Variants in MED12L observed in about 807,000 individuals in gnomAD.
MED12L encodes the protein mediator of RNA polymerase II transcription subunit 12-like protein.
Under a neutral mutation model 281.3 loss-of-function variants are expected in MED12L, and 60 were observed. The ratio of observed to expected loss-of-function variants is 0.21; its 90% CI spans 0.17 to 0.26. MED12L has a LOEUF of 0.26. Among genes scored for constraint, MED12L ranks in the 10% least tolerant of loss-of-function variants. MED12L has a pLI of 1.00. For synonymous variants in MED12L, 974 were observed against 987.2 expected (o/e 0.99, Z 0.25); for missense variants, 2,146 against 2,680.9 (o/e 0.80, Z 4.41).
intron 27 of MED12L, 127 bp from the exon 28 acceptor site, chr3:151,375,899 G>C (rs1234287199): frequency 1.9e-6 from 1 of 533,982 alleles, no homozygotes; most frequent in Non-Finnish European, 2.8e-6. Context: ...ACTTTTTAAT[G>C]TAATTTTTTA....
intron 16 of MED12L, among the ~76,000 whole-genome samples, chr3:151,283,695 A>C (rs577154606): frequency 6.6e-6 from 1 of 152,352 alleles, no homozygotes; most frequent in Admixed American, 6.5e-5. Context: ...TGTTAATTGA[A>C]TATCTGTAAC....
chr3:151,248,640 A>G (rs1320302723), intron 16 of MED12L, among the ~76,000 whole-genome samples: 2 of 152,158 alleles, frequency 1.3e-5, no homozygotes, highest in Non-Finnish European at 2.9e-5. Context: ...AAGCCCCATG[A>G]AAGGAAATCA....
intron 16 of MED12L, among the ~76,000 whole-genome samples, chr3:151,345,636 G>A (rs1307929932): frequency 1.3e-5 from 2 of 150,220 alleles, no homozygotes; most frequent in African/African-American, 4.9e-5. Context: ...TCCTGCCTCA[G>A]CCTCCCGAGT....
intron 16 of MED12L, among the ~76,000 whole-genome samples, chr3:151,346,458 C>T (rs536321958): frequency 6.6e-6 from 1 of 152,270 alleles, no homozygotes; most frequent in East Asian, 1.9e-4. Flanking sequence ...TCACCTCTTA[C>T]TTTAACCGCT....
chr3:151,379,510 C>T (rs1028677987), intron 31 of MED12L, among the ~76,000 whole-genome samples: 3 of 152,192 alleles, frequency 2.0e-5, no homozygotes, highest in African/African-American at 7.2e-5. Flanking sequence ...GTGGATGCTG[C>T]GGGCTATGTT....
chr3:151,335,631 T>C (rs1441405958), intron 16 of MED12L, among the ~76,000 whole-genome samples: 1 of 152,184 alleles, frequency 6.6e-6, no homozygotes, highest in Non-Finnish European at 1.5e-5. Flanking sequence ...AAACTCACTG[T>C]GAAATGTGGG....
intron 16 of MED12L, chr3:151,326,198 G>A (rs1211637088): frequency 6.6e-6 from 1 of 152,522 alleles, no homozygotes; most frequent in African/African-American, 2.4e-5. Context: ...TAGGAGAGTG[G>A]ACAGAGCTTG....
At chr3:151,221,750 A>G (rs1303571873) in intron 16 of MED12L, among the ~76,000 whole-genome samples, 1 of 152,234 alleles carries the variant, frequency 6.6e-6, no homozygotes, top group Non-Finnish European at 1.5e-5. Context: ...CTGCAGGGGC[A>G]GGGCTCTCAT....
chr3:151,334,906 A>G (rs1750786737), intron 16 of MED12L, among the ~76,000 whole-genome samples: 1 of 152,234 alleles, frequency 6.6e-6, no homozygotes, highest in African/African-American at 2.4e-5. Flanking sequence ...GAAAGCAGCC[A>G]TGGATAAAAC....
intron 11 of MED12L, among the ~76,000 whole-genome samples, chr3:151,168,349 A>T (rs769521789): frequency 6.6e-6 from 1 of 152,206 alleles, no homozygotes; most frequent in Non-Finnish European, 1.5e-5. Context: ...GTGTGTGTTG[A>T]AAGTTTTTAC....
chr3:151,149,445 A>G (rs1576831182), intron 5 of MED12L, among the ~76,000 whole-genome samples: 1 of 152,214 alleles, frequency 6.6e-6, no homozygotes, highest in African/African-American at 2.4e-5. Context: ...TAACATCTTA[A>G]TTAAGGAATA....
intron 16 of MED12L, chr3:151,219,576 T>C (rs1728917700): frequency 6.6e-6 from 1 of 152,186 alleles, no homozygotes; most frequent in Non-Finnish European, 1.5e-5. Flanking sequence ...CTCTTTTCAG[T>C]GAAGGTGTTT....
intron 16 of MED12L, among the ~76,000 whole-genome samples, chr3:151,282,616 CT>C (rs1393007030): frequency 6.6e-6 from 1 of 152,128 alleles, no homozygotes; most frequent in Non-Finnish European, 1.5e-5. Flanking sequence ...ATCCAAAATG[CT>C]TCTTGTTGGA....
chr3:151,291,189 A>G (rs551112898), intron 16 of MED12L, among the ~76,000 whole-genome samples: 5 of 135,392 alleles, frequency 3.7e-5, no homozygotes, highest in South Asian at 4.5e-4. Flanking sequence ...TTTTTCTAGT[A>G]TGTCACATTT....
intron 2 of MED12L, among the ~76,000 whole-genome samples, chr3:151,094,668 T>C (rs576153300): frequency 3.3e-4 from 50 of 152,326 alleles, no homozygotes; most frequent in African/African-American, 1.2e-3. Context: ...AATTTTGACT[T>C]AAAAATATAT....
chr3:151,210,441 C>T (rs1301445908), intron 16 of MED12L, among the ~76,000 whole-genome samples: 1 of 152,230 alleles, frequency 6.6e-6, no homozygotes, highest in Non-Finnish European at 1.5e-5. Context: ...GGTTCATCCA[C>T]CTCAGTGGGT....
chr3:151,378,775 A>G (rs1473173370), intron 31 of MED12L, among the ~76,000 whole-genome samples: 1 of 152,200 alleles, frequency 6.6e-6, no homozygotes, highest in African/African-American at 2.4e-5. Context: ...AAGGAAAAAA[A>G]TTGATAATTT....
At chr3:151,163,614 C>T (rs1720289946) in intron 8 of MED12L, among the ~76,000 whole-genome samples, 1 of 151,734 alleles carries the variant, frequency 6.6e-6, no homozygotes, top group Non-Finnish European at 1.5e-5. Context: ...GTGATGATTA[C>T]TGCATTTTTA....
intron 4 of MED12L, among the ~76,000 whole-genome samples, chr3:151,123,699 C>T (rs1189037910): frequency 2.0e-5 from 3 of 152,154 alleles, no homozygotes; most frequent in Non-Finnish European, 2.9e-5. Context: ...TTTCTTATCT[C>T]TTCTAAGGCC....
Sources: allele counts gnomAD v4.1 joint callset (sites outside exome capture counted in the v4.1 genomes callset), GRCh38; gene constraint gnomAD v4.1.1; transcripts MANE v1.5; gene names NCBI Gene and HGNC (gene_info 2026-07-23, HGNC 2026-07-21).